The following SAMMSON variants were observed in gnomAD, a reference collection of about 807,000 sequenced individuals.
SAMMSON encodes survival associated mitochondrial melanoma specific oncogenic non-coding RNA.
chr3:70,347,440 G>A, intron 7 of SAMMSON, among the ~76,000 whole-genome samples: 1 of 108,014 alleles, frequency 9.3e-6, no homozygotes, highest in East Asian at 2.2e-4. Context: ...ACTGGCCTAA[G>A]TAGAGAAGGG....
intron 7 of SAMMSON, among the ~76,000 whole-genome samples, chr3:70,351,996 G>C (rs1316334757): frequency 6.6e-6 from 1 of 151,948 alleles, no homozygotes; most frequent in East Asian, 1.9e-4. Flanking sequence ...TGAGGATTTT[G>C]GGTATAATGA....
At chr3:70,274,763 T>C (rs980707408) in intron 6 of SAMMSON, among the ~76,000 whole-genome samples, 3 of 152,076 alleles carry the variant, frequency 2.0e-5, no homozygotes, top group Non-Finnish European at 4.4e-5. Flanking sequence ...TTAAAACAAA[T>C]ATAAAAATAT....
At chr3:70,003,733 A>C (rs1285080242) in intron 1 of SAMMSON, among the ~76,000 whole-genome samples, 1 of 151,006 alleles carries the variant, frequency 6.6e-6, no homozygotes, top group Non-Finnish European at 1.5e-5. Context: ...TTTGCTCTTT[A>C]CTCTTTTTGT....
At chr3:70,290,153 C>A (rs1702217614) in intron 6 of SAMMSON, among the ~76,000 whole-genome samples, 1 of 151,960 alleles carries the variant, frequency 6.6e-6, no homozygotes. Flanking sequence ...TTAGAGTTTC[C>A]AGTTTTTCTG....
intron 7 of SAMMSON, among the ~76,000 whole-genome samples, chr3:70,298,616 G>A (rs1702314811): frequency 6.6e-6 from 1 of 152,084 alleles, no homozygotes; most frequent in South Asian, 2.1e-4. Flanking sequence ...AAATCACCAT[G>A]ACTGTGCTGA....
chr3:70,231,434 C>T (rs572905972), intron 4 of SAMMSON, among the ~76,000 whole-genome samples: 58 of 152,314 alleles, frequency 3.8e-4, no homozygotes, highest in Non-Finnish European at 7.3e-4. Context: ...CCGACGCCTT[C>T]CTGAGTGAAA....
intron 4 of SAMMSON, among the ~76,000 whole-genome samples, chr3:70,138,886 A>C (rs1487237002): frequency 1.3e-5 from 2 of 152,120 alleles, no homozygotes; most frequent in Non-Finnish European, 2.9e-5. Context: ...CTTTTTAAGT[A>C]AAAAAGCTTT....
chr3:70,023,633 G>C (rs2067024961), intron 3 of SAMMSON, among the ~76,000 whole-genome samples: 2 of 152,094 alleles, frequency 1.3e-5, no homozygotes, highest in African/African-American at 4.8e-5. Flanking sequence ...TAACTCTGCT[G>C]TAACTTCTCC....
intron 4 of SAMMSON, among the ~76,000 whole-genome samples, chr3:70,120,869 G>A (rs2067430166): frequency 6.6e-6 from 1 of 152,124 alleles, no homozygotes; most frequent in Non-Finnish European, 1.5e-5. Context: ...TGGAGGTGTG[G>A]GGGGATGGTT....
intron 4 of SAMMSON, among the ~76,000 whole-genome samples, chr3:70,145,163 C>T (rs949285964): frequency 6.6e-6 from 1 of 152,100 alleles, no homozygotes; most frequent in African/African-American, 2.4e-5. Flanking sequence ...TCCAGATGCC[C>T]TCACATGCTG....
At chr3:70,335,319 T>A (rs1702652748) in intron 7 of SAMMSON, among the ~76,000 whole-genome samples, 1 of 152,050 alleles carries the variant, frequency 6.6e-6, no homozygotes, top group Non-Finnish European at 1.5e-5. Flanking sequence ...CTTAGATTCC[T>A]CAAATATTTG....
intron 2 of SAMMSON, among the ~76,000 whole-genome samples, chr3:70,428,100 AAATTT>A (rs1701386200): frequency 6.6e-6 from 1 of 152,200 alleles, no homozygotes; most frequent in Admixed American, 6.5e-5. Context: ...AAATTAAAGA[AAATTT>A]AAAGGAATGA....
At chr3:70,356,531 A>G (rs1249514799) in intron 8 of SAMMSON, among the ~76,000 whole-genome samples, 1 of 152,136 alleles carries the variant, frequency 6.6e-6, no homozygotes, top group Non-Finnish European at 1.5e-5. Context: ...CCCACCAGTC[A>G]TTTAATGACA....
intron 4 of SAMMSON, chr3:70,205,002 A>G (rs1261132682): frequency 3.3e-5 from 5 of 152,270 alleles, no homozygotes; most frequent in Non-Finnish European, 7.4e-5. Context: ...CTTGACTGGC[A>G]TTAATCTCTA....
rs148473052 is a variant in SAMMSON, at chr3:70,187,728, G to A, written n.508-61379G>A. Among the ~76,000 whole-genome samples, 15 of 151,904 alleles carry A rather than the reference G, an allele frequency of 9.9e-5. No homozygotes were observed. The East Asian group carries it at 2.9e-3, about 30-fold the overall frequency. ...TGGGATTACAGGCCTGAGCCACCGC[G>A]CCCGGCCGGGACCAACTCTTTCTCA... On this transcript the variant is annotated intron_variant and non_coding_transcript_variant, in intron 4 of 9. Coordinates refer to ENST00000642114, the Ensembl canonical transcript of SAMMSON.
intron 4 of SAMMSON, among the ~76,000 whole-genome samples, chr3:70,195,290 A>G (rs1024515899): frequency 6.6e-6 from 1 of 152,166 alleles, no homozygotes; most frequent in Non-Finnish European, 1.5e-5. Flanking sequence ...TGAAAAGCAG[A>G]AAGACTTTTT....
At chr3:70,108,306 G>A (rs2106658956) in intron 4 of SAMMSON, among the ~76,000 whole-genome samples, 1 of 152,070 alleles carries the variant, frequency 6.6e-6, no homozygotes, top group South Asian at 2.1e-4. Flanking sequence ...CGTGGGGAAA[G>A]GGATGAATTG....
At chr3:70,348,084 G>T (rs765675100) in intron 7 of SAMMSON, among the ~76,000 whole-genome samples, 1 of 152,100 alleles carries the variant, frequency 6.6e-6, no homozygotes, top group Non-Finnish European at 1.5e-5. Flanking sequence ...AGTGGTAAGT[G>T]CTAAAGGTAT....
intron 4 of SAMMSON, chr3:70,071,854 T>A (rs544001637): frequency 7.2e-5 from 11 of 152,002 alleles, no homozygotes; most frequent in Non-Finnish European, 1.5e-4. Context: ...ATTTCCTGAG[T>A]TCTGTCCAAG....
Sources: gnomAD v4.1 joint callset for allele counts (sites outside exome capture counted in the v4.1 genomes callset) on GRCh38, gnomAD v4.1.1 for gene constraint, MANE v1.5 for transcripts, NCBI Gene and HGNC (gene_info 2026-07-23, HGNC 2026-07-21) for gene names.